Variants in PHF14 observed in about 807,000 individuals in gnomAD.
PHF14 encodes the protein PHD finger protein 14.
Under a neutral mutation model 117.9 loss-of-function variants are expected in PHF14, and 55 were observed. The observed-to-expected ratio is 0.47, with a 90% CI of 0.38 to 0.58. The LOEUF is 0.58. PHF14 is among the 20% of genes least tolerant of loss of function. The probability of loss-of-function intolerance (pLI) is 0.00; values close to 1 mark genes in which losing one functional copy is unlikely to be tolerated. For synonymous variants in PHF14, 409 were observed against 368.6 expected (o/e 1.11, Z -1.26); for missense variants, 978 against 1,122.2 (o/e 0.87, Z 1.84).
At chr7:11,047,132 A>G (rs1000229824) in intron 13 of PHF14, among the ~76,000 whole-genome samples, 1 of 151,700 alleles carries the variant, frequency 6.6e-6, no homozygotes, top group African/African-American at 2.4e-5. Flanking sequence ...GCAGTGGCAC[A>G]ATCGCAACTC....
At chr7:11,116,181 A>G (rs189833830) in intron 17 of PHF14, among the ~76,000 whole-genome samples, 34 of 152,146 alleles carry the variant, frequency 2.2e-4, no homozygotes, top group Admixed American at 6.6e-4. Flanking sequence ...GCTGCCTTCT[A>G]TATCCTTTTG....
chr7:11,052,584 T>A (rs1038173145), intron 14 of PHF14, among the ~76,000 whole-genome samples: 5 of 152,220 alleles, frequency 3.3e-5, no homozygotes, highest in Non-Finnish European at 7.3e-5. Flanking sequence ...CAGTTCACAC[T>A]CATACCAGCA....
chr7:11,121,461 C>G (rs575713686), intron 17 of PHF14, among the ~76,000 whole-genome samples: 9 of 152,256 alleles, frequency 5.9e-5, no homozygotes, highest in East Asian at 3.9e-4. Flanking sequence ...CCTCCCCCCA[C>G]TGCCTACTTA....
At chr7:10,991,012 A>T (rs1397830211) in intron 4 of PHF14, among the ~76,000 whole-genome samples, 165 bp downstream of exon 4, 2 of 152,046 alleles carry the variant, frequency 1.3e-5, no homozygotes, top group Non-Finnish European at 2.9e-5. Flanking sequence ...TTATTTTGAG[A>T]TGGAGTCTCA....
intron 4 of PHF14, among the ~76,000 whole-genome samples, chr7:11,012,878 T>C (rs1783400541): frequency 6.6e-6 from 1 of 152,208 alleles, no homozygotes; most frequent in Non-Finnish European, 1.5e-5. Flanking sequence ...GGCTCAGTTG[T>C]GCATGGAACT....
intron 2 of PHF14, among the ~76,000 whole-genome samples, chr7:10,977,795 T>C (rs1781917791): frequency 6.6e-6 from 1 of 152,122 alleles, no homozygotes; most frequent in South Asian, 2.1e-4. Flanking sequence ...GAATTACCAG[T>C]TTTGTAGGTC....
At chr7:11,148,089 A>G (rs575806351) in intron 17 of PHF14, among the ~76,000 whole-genome samples, 3 of 152,294 alleles carry the variant, frequency 2.0e-5, no homozygotes, top group East Asian at 3.9e-4. Context: ...CGTTCTGACT[A>G]CATTACAGTA....
chr7:11,143,951 G>A (rs1281967123), intron 17 of PHF14, among the ~76,000 whole-genome samples: 1 of 151,460 alleles, frequency 6.6e-6, no homozygotes, highest in African/African-American at 2.4e-5. Flanking sequence ...TATAAAATGG[G>A]AAAAAAAAGT....
intron 13 of PHF14, among the ~76,000 whole-genome samples, chr7:11,047,480 A>G (rs529664021): frequency 1.3e-5 from 2 of 152,048 alleles, no homozygotes; most frequent in Admixed American, 1.3e-4. Context: ...GTATGGTGCT[A>G]GAAACATATA....
At chr7:11,111,319 A>G (rs773370053) in intron 16 of PHF14, 31 bp from the exon 17 acceptor site, 3 of 1,030,554 alleles carry the variant, frequency 2.9e-6, no homozygotes, top group South Asian at 2.7e-5. Flanking sequence ...TTATTTAGAT[A>G]CACCTACCTA....
At chr7:11,051,860 A>G (rs978548792) in intron 14 of PHF14, 80 bp downstream of exon 14, 5 of 1,158,520 alleles carry the variant, frequency 4.3e-6, no homozygotes. Context: ...CACAGGGCAA[A>G]CATATACTCA....
At position 11,090,316 on chromosome 7, in the gene PHF14, C is replaced by G. The variant is rs191013921; in HGVS notation, c.2655-21034C>G. On this transcript the variant is annotated intron_variant, in intron 16 of 17. Coordinates refer to ENST00000634607, the MANE Select transcript of PHF14 (RefSeq NM_001007157.2). ...GTAATTGCCCAGTGAATCAGGTTGA[C>G]AAAGATAGCTACACAAGGAAGACAG... Among the ~76,000 whole-genome samples, 96 of 152,196 alleles carry G rather than the reference C, an allele frequency of 6.3e-4. 1 individual carries two copies. The highest frequency in any genetic ancestry group is 6.8e-3 in the Middle Eastern group (2 of 294).
At position 10,987,170 on chromosome 7, in the gene PHF14, T is replaced by C. The variant is rs544940200; in HGVS notation, c.901-3533T>C. Among the ~76,000 whole-genome samples the C allele has an allele frequency of 2.4e-3, 365 of 152,296 alleles. 1 individual carries two copies. The highest frequency in any genetic ancestry group is 8.3e-3 in the African/African-American group (345 of 41,568). ...CATTGCAAAATGAAACAAATTGCTC[T>C]GAGTCCTAAAAAAAGGTTAGTTCTG... On this transcript the variant is annotated intron_variant, in intron 3 of 17. Coordinates refer to ENST00000634607, the MANE Select transcript of PHF14 (RefSeq NM_001007157.2).
chr7:11,130,015 C>G lies in PHF14; in HGVS notation c.2772+18548C>G, dbSNP rs1385280247. Among the ~76,000 whole-genome samples the G allele has an allele frequency of 6.6e-6, 1 of 151,876 alleles. No homozygotes were observed. Among genetic ancestry groups the G allele is most frequent in the Non-Finnish European group, 1.5e-5 (1 of 67,906 alleles). ...TAAGTTATGCAGCAAAAAAAAGAAT[C>G]CCAAATTTTTAGTTGATTAATATAA... On this transcript the variant is annotated intron_variant, in intron 17 of 17. Coordinates refer to ENST00000634607, the MANE Select transcript of PHF14 (RefSeq NM_001007157.2). The surrounding 1 kb of genome is among the most constrained non-coding windows in gnomAD (Gnocchi z 4.2).
intron 17 of PHF14, among the ~76,000 whole-genome samples, chr7:11,135,387 G>T (rs1308925930): frequency 6.6e-6 from 1 of 152,052 alleles, no homozygotes; most frequent in Non-Finnish European, 1.5e-5. Context: ...TTTTCATTAA[G>T]ATAAAGGTGA....
intron 2 of PHF14, 26 bp downstream of exon 2, chr7:10,974,971 T>C: frequency 8.9e-7 from 1 of 1,127,978 alleles, no homozygotes; most frequent in Non-Finnish European, 1.3e-6. Flanking sequence ...TCTCTTCCCC[T>C]TTCCCAGCTT....
intron 17 of PHF14, among the ~76,000 whole-genome samples, chr7:11,126,928 T>G (rs545404856): frequency 6.6e-6 from 1 of 152,208 alleles, no homozygotes; most frequent in African/African-American, 2.4e-5. Context: ...AACAGACCAC[T>G]CTTACGTTTT....
chr7:11,047,394 A>C (rs779066092), intron 13 of PHF14, among the ~76,000 whole-genome samples: 14 of 151,978 alleles, frequency 9.2e-5, no homozygotes, highest in Non-Finnish European at 2.1e-4. Context: ...TTGTCTAAGC[A>C]CTATTAAACA....
intron 4 of PHF14, among the ~76,000 whole-genome samples, chr7:10,995,266 A>G (rs1309408661): frequency 6.6e-6 from 1 of 151,410 alleles, no homozygotes; most frequent in East Asian, 1.9e-4. Flanking sequence ...TATATTTACA[A>G]TCCCTTAGCT....
Sources: gnomAD v4.1 joint callset for allele counts (sites outside exome capture counted in the v4.1 genomes callset) on GRCh38, gnomAD v4.1.1 for gene constraint, Gnocchi (gnomAD v3.1) non-coding constraint, MANE v1.5 for transcripts, NCBI Gene and HGNC (gene_info 2026-07-23, HGNC 2026-07-21) for gene names.